MAPRE2: variants seen among roughly 807,000 people sequenced by gnomAD.
The protein encoded by MAPRE2 is microtubule-associated protein RP/EB family member 2.
MAPRE2 carries 13 observed loss-of-function variants against 43.2 expected under a neutral mutation model. The observed-to-expected ratio is 0.30, with a 90% CI of 0.20 to 0.48. MAPRE2 has a LOEUF of 0.48. Ranked by LOEUF, MAPRE2 falls within the 20% of genes least tolerant of loss-of-function variation. MAPRE2 has a pLI of 0.99. For synonymous variants in MAPRE2, 135 were observed against 148.8 expected, an observed-to-expected ratio of 0.91 and a Z score of 0.68; for missense variants, 161 against 400.2, an observed-to-expected ratio of 0.40 and a Z score of 5.10.
At chr18:34,979,728 T>C (rs1396304164) in intron 1 of MAPRE2, among the ~76,000 whole-genome samples, 2 of 152,220 alleles carry the variant, frequency 1.3e-5, no homozygotes, top group Non-Finnish European at 2.9e-5. Flanking sequence ...AAATGATCTA[T>C]TTAAATAGAA....
chr18:35,035,606 T>C (rs1286084727), intron 2 of MAPRE2, among the ~76,000 whole-genome samples: 1 of 151,762 alleles, frequency 6.6e-6, no homozygotes, highest in Non-Finnish European at 1.5e-5. Context: ...AAACCCAGCC[T>C]CTTAAAAATA....
At chr18:35,139,442 G>T (rs1910528121) in intron 6 of MAPRE2, among the ~76,000 whole-genome samples, 1 of 152,214 alleles carries the variant, frequency 6.6e-6, no homozygotes, top group Non-Finnish European at 1.5e-5. Flanking sequence ...GCTGACTGAG[G>T]CTAGTGCTCC....
chr18:35,034,600 G>A (rs993495391), intron 2 of MAPRE2, among the ~76,000 whole-genome samples: 6 of 151,964 alleles, frequency 3.9e-5, no homozygotes, highest in South Asian at 4.1e-4. Flanking sequence ...GAAAATTTTC[G>A]CAACCTATTC....
intron 6 of MAPRE2, among the ~76,000 whole-genome samples, chr18:35,138,188 G>C (rs3786316): frequency 0.089 from 13,556 of 152,236 alleles, 794 homozygotes; most frequent in East Asian, 0.22. Flanking sequence ...ATGCCCAGGG[G>C]TCTGGGGTCG....
At chr18:35,013,434 G>T (rs1218930266) in intron 2 of MAPRE2, among the ~76,000 whole-genome samples, 1 of 152,172 alleles carries the variant, frequency 6.6e-6, no homozygotes, top group African/African-American at 2.4e-5. Flanking sequence ...GGGGTACATA[G>T]TGATGTTTTG....
At chr18:35,002,808 C>T (rs2097030016) in intron 1 of MAPRE2, among the ~76,000 whole-genome samples, 1 of 152,060 alleles carries the variant, frequency 6.6e-6, no homozygotes, top group African/African-American at 2.4e-5. Flanking sequence ...GACACTAGTT[C>T]TTTGTCAGTT....
chr18:35,081,476 C>A (rs938402653), intron 2 of MAPRE2, among the ~76,000 whole-genome samples: 2 of 152,188 alleles, frequency 1.3e-5, no homozygotes, highest in Admixed American at 1.3e-4. Context: ...TGGAGGCTTC[C>A]TTTGGTGCCA....
At chr18:35,040,096 A>G (rs1193432449), upstream of MAPRE2, among the ~76,000 whole-genome samples, 2 of 152,282 alleles carry the variant, frequency 1.3e-5, no homozygotes, top group South Asian at 2.1e-4. Flanking sequence ...CCACCTACTC[A>G]GGAGGCTGAG....
chr18:35,041,342 T>C, upstream of MAPRE2: 6 of 1,437,208 alleles, frequency 4.2e-6, no homozygotes, highest in Admixed American at 2.8e-5. Context: ...ACCAGGGTGC[T>C]GCTGCCGGCG....
chr18:34,990,307 T>A (rs1257803189), intron 1 of MAPRE2, among the ~76,000 whole-genome samples: 1 of 152,162 alleles, frequency 6.6e-6, no homozygotes, highest in East Asian at 1.9e-4. Context: ...TGTTAAATAC[T>A]AATACCTCTG....
intron 2 of MAPRE2, among the ~76,000 whole-genome samples, chr18:35,013,270 GGAA>G (rs1243579709): frequency 4.6e-5 from 7 of 152,104 alleles, no homozygotes; most frequent in Non-Finnish European, 7.4e-5. Flanking sequence ...GGACCTGTGG[GGAA>G]GAAGAGTTGA....
intron 6 of MAPRE2, among the ~76,000 whole-genome samples, chr18:35,138,422 G>A (rs1910484401): frequency 6.6e-6 from 1 of 152,082 alleles, no homozygotes; most frequent in Non-Finnish European, 1.5e-5. Context: ...CTGAATAAGG[G>A]GCCTGTCGGC....
At chr18:35,121,608 T>C (rs1266915216) in intron 4 of MAPRE2, among the ~76,000 whole-genome samples, 1 of 152,084 alleles carries the variant, frequency 6.6e-6, no homozygotes, top group African/African-American at 2.4e-5. Flanking sequence ...TGAAAAAAAA[T>C]TTGAAATGTT....
At chr18:35,078,178 A>G (rs531663777) in intron 2 of MAPRE2, among the ~76,000 whole-genome samples, 6 of 152,208 alleles carry the variant, frequency 3.9e-5, no homozygotes, top group Non-Finnish European at 8.8e-5. Flanking sequence ...ATGTTTTTCC[A>G]CAGATGAACT....
At chr18:35,115,656 AT>A (rs1169099553) in intron 4 of MAPRE2, among the ~76,000 whole-genome samples, 3 of 152,206 alleles carry the variant, frequency 2.0e-5, no homozygotes, top group African/African-American at 7.2e-5. Flanking sequence ...TTCACTTAGA[AT>A]AATGGTCTCC....
At chr18:35,004,931 A>AAAG (rs1294867272) in intron 1 of MAPRE2, among the ~76,000 whole-genome samples, 1 of 152,084 alleles carries the variant, frequency 6.6e-6, no homozygotes, top group African/African-American at 2.4e-5. Context: ...AAAAAAAAAA[A>AAAG]AAGAAAAGAA....
At chr18:35,028,516 A>AC (rs1248648034) in intron 2 of MAPRE2, among the ~76,000 whole-genome samples, 7 of 152,018 alleles carry the variant, frequency 4.6e-5, no homozygotes, top group Non-Finnish European at 1.0e-4. Context: ...ACATCCCCCA[A>AC]CCCCCCAAAC....
chr18:35,033,087 G>A (rs1390518678), intron 2 of MAPRE2, among the ~76,000 whole-genome samples: 2 of 152,042 alleles, frequency 1.3e-5, no homozygotes, highest in African/African-American at 4.8e-5. Flanking sequence ...CAATATCCTT[G>A]ATGAACATTG....
intron 1 of MAPRE2, among the ~76,000 whole-genome samples, chr18:35,044,646 A>G (rs1905531459): frequency 1.3e-5 from 2 of 152,228 alleles, no homozygotes; most frequent in African/African-American, 2.4e-5. Flanking sequence ...TAAAAGAGCT[A>G]TGTAACATAA....
Sources: gnomAD v4.1 joint callset for allele counts (sites outside exome capture counted in the v4.1 genomes callset) on GRCh38, gnomAD v4.1.1 for gene constraint, MANE v1.5 for transcripts, NCBI Gene and HGNC (gene_info 2026-07-23, HGNC 2026-07-21) for gene names.